The following PRAMEF14 variants were observed in gnomAD, a reference collection of about 807,000 sequenced individuals.
PRAMEF14 encodes PRAME family member 14.
Under a neutral mutation model 38.3 loss-of-function variants are expected in PRAMEF14, and 24 were observed. That is an observed-to-expected ratio of 0.63 (90% CI 0.45 to 0.88). The LOEUF is 0.88. Ranked by LOEUF, PRAMEF14 falls within the 40% of genes least tolerant of loss-of-function variation. PRAMEF14 has a pLI of 0.00. For missense variants in PRAMEF14, 477 were observed against 570.8 expected (o/e 0.84, Z 1.67); for synonymous variants, 194 against 226.4 (o/e 0.86, Z 1.29).
At position 13,342,429 on chromosome 1, in the gene PRAMEF14, A is replaced by G; in HGVS notation, c.*99T>C. 1 of 1,489,790 alleles carries G rather than the reference A, an allele frequency of 6.7e-7. No individual in the cohort carries two copies. Among genetic ancestry groups the G allele is most frequent in the Non-Finnish European group, 8.9e-7 (1 of 1,121,152 alleles). 92.3% of individuals were successfully genotyped at this position (1,489,790 alleles called of 1,614,324 possible). A position where few individuals can be genotyped will look rare whatever the true frequency, so the allele number is the denominator to read the frequency against. On this transcript the variant is annotated 3_prime_UTR_variant, in exon 4 of 4. Coordinates refer to ENST00000334600, the MANE Select transcript of PRAMEF14 (RefSeq NM_001024661.2). ...GAATTATTAAAAAATGAAATAAATA[A>G]GAAAAGAGAAAAATAGTTTGCACCT...
chr1:13,342,932 C>T lies in PRAMEF14; in HGVS notation c.1021G>A (p.Gly341Arg), dbSNP rs555251277. Residue 341 changes from glycine (G) to arginine (R), a missense_variant, in exon 4 of 4, where the codon GGA becomes AGA. Gly to Arg is a moderately radical substitution (Grantham distance 125). Around this residue, in one of 4 missense-constraint regions of PRAMEF14, gnomAD observed 34 missense variants for 66.1 expected, o/e 0.51. Coordinates refer to ENST00000334600, the MANE Select transcript of PRAMEF14 (RefSeq NM_001024661.2). ...LLFRISLEPL[G>R]ALLEKIAASL... is the part of the protein sequence containing the mutation. ...GCAGCAATTTTCTCTAGCAGAGCTC[C>T]GAGGGGTTCAAGACTGATGCGGAAC... 2.5e-5 allele frequency: 40 copies of T among 1,607,850 alleles called. No individual in the cohort carries two copies. Among genetic ancestry groups the T allele is most frequent in the African/African-American group, 2.0e-4 (15 of 74,782 alleles).
At position 13,345,364 on chromosome 1, in the gene PRAMEF14, G is replaced by A; in HGVS notation, c.-25-25C>T. The A allele has an allele frequency of 2.5e-6, 4 of 1,596,108 alleles. 2 individuals carry two copies. Among genetic ancestry groups the A allele is most frequent in the East Asian group, 4.8e-5 (2 of 41,576 alleles). On this transcript the variant is annotated intron_variant, in intron 1 of 3. Transcript: ENST00000334600. ...TCTAGAAGACAAATCCAGGGAAAAT[G>A]TATCACTCTCATGGCAAACACAATC...
chr1:13,345,998 G>GGTGGTGTA (rs1640398614), intron 1 of PRAMEF14, among the ~76,000 whole-genome samples: 1 of 150,862 alleles, frequency 6.6e-6, no homozygotes, highest in Non-Finnish European at 1.5e-5. Context: ...AGCCAGGTGT[G>GGTGGTGTA]GTCATGCATG....
intron 3 of PRAMEF14, 58 bp downstream of exon 3, chr1:13,343,980 C>G (rs1351961282): frequency 6.2e-7 from 1 of 1,602,176 alleles, no homozygotes; most frequent in East Asian, 2.4e-5. Flanking sequence ...CTAATGTTTG[C>G]TGTAACAGAA....
In PRAMEF14 at chr1:13,344,334, C is replaced by T. The variant is rs1247449770; in HGVS notation, c.570G>A (p.Thr190=). 2.1e-4 allele frequency: 333 copies of T among 1,607,778 alleles called. 8 individuals carry two copies. In the African/African-American group the frequency reaches 2.6e-3, roughly 12 times the overall value. Residue 190 remains threonine (T), a synonymous_variant, in exon 3 of 4, where the codon ACG becomes ACA. Transcript: ENST00000334600. ...LCCSKLVNYL[T]PIKHLRKSLK... ...ATGACTTTCTGAGATGTTTAATCGG[C>T]GTTAGATAATTGACCAGCTTACTAC...
chr1:13,346,261 A>C (rs1469627073), intron 1 of PRAMEF14, among the ~76,000 whole-genome samples: 1 of 151,522 alleles, frequency 6.6e-6, no homozygotes, highest in Non-Finnish European at 1.5e-5. Context: ...TAATCCCAGC[A>C]CTTTGGGAGT....
At chr1:13,343,590 C>T in intron 3 of PRAMEF14, 1 of 1,313,670 alleles carries the variant, frequency 7.6e-7, no homozygotes, top group South Asian at 1.2e-5. Flanking sequence ...CAACCTTTTA[C>T]AAACAGGGAA....
At position 13,344,341 on chromosome 1, in the gene PRAMEF14, T is replaced by A; in HGVS notation, c.563A>T (p.Tyr188Phe). ...TCTGAGATGTTTAATCGGCGTTAGA[T>A]AATTGACCAGCTTACTACAGCACAG... Reference protein sequence around the residue: ...VHLCCSKLVNYLTPIKHLRKS... With the variant: ...VHLCCSKLVNFLTPIKHLRKS... Residue 188 changes from tyrosine to phenylalanine, a missense_variant, in exon 3 of 4, where the codon TAT (tyrosine) becomes TTT (phenylalanine). Physicochemically the swap from Tyr to Phe is conservative, Grantham distance 22. Coordinates refer to ENST00000334600, the MANE Select transcript of PRAMEF14 (RefSeq NM_001024661.2). The A allele has an allele frequency of 6.2e-7, 1 of 1,607,786 alleles. No homozygotes were observed. The highest frequency in any genetic ancestry group is 1.7e-5 in the Admixed American group (1 of 59,850).
chr1:13,342,162 T>C lies in PRAMEF14; in HGVS notation c.*366A>G, dbSNP rs1162950059. On this transcript the variant is annotated 3_prime_UTR_variant, in exon 4 of 4. Coordinates refer to ENST00000334600, the MANE Select transcript of PRAMEF14 (RefSeq NM_001024661.2). The stretch of plus-strand genomic sequence containing the variant: ...AGGACACGGGTCCCTGAAGTTCTCA[T>C]TGATGTCACCTCAACATTTTCCTCC... 9 of 285,306 alleles carry C rather than the reference T, an allele frequency of 3.2e-5. No homozygotes were observed. Among genetic ancestry groups the C allele is most frequent in the African/African-American group, 8.8e-5 (4 of 45,616 alleles). The allele number at this position is 285,306 out of a possible 1,614,324, so 17.7% of individuals were successfully genotyped here.
Position 13,342,751 on chromosome 1 carries a change from G to A in PRAMEF14, c.1202C>T (p.Thr401Ile). The A allele has an allele frequency of 6.2e-7, 1 of 1,603,906 alleles. No individual in the cohort carries two copies. Among genetic ancestry groups the A allele is most frequent in the South Asian group, 1.1e-5 (1 of 90,446 alleles). Residue 401 changes from threonine to isoleucine, a missense_variant, in exon 4 of 4, where the codon ACC becomes ATC. Transcript: ENST00000334600. ...MGALKDLLCH[T>I]SGLSKLSLET... Reference sequence around the variant, plus strand: ...CAGGCTTAACTTGCTCAGCCCACTGGTGTGGCACAACAGGTCCTTCAGGGC... The same window carrying A: ...CAGGCTTAACTTGCTCAGCCCACTGATGTGGCACAACAGGTCCTTCAGGGC...
Position 13,342,779 on chromosome 1 carries a change from C to A in PRAMEF14, c.1174G>T (p.Gly392Cys). Residue 392 changes from glycine to cysteine, a missense_variant, in exon 4 of 4, where the codon GGT becomes TGT. Transcript: ENST00000334600. ...FYFGRNCMSMGALKDLLCHTS... is the reference protein window; with the variant it reads ...FYFGRNCMSMCALKDLLCHTS... ...TGGCACAACAGGTCCTTCAGGGCAC[C>A]CATAGACATACAATTTCTGCCAAAG... 1 of 1,604,144 alleles carries A rather than the reference C, an allele frequency of 6.2e-7. No individual in the cohort carries two copies. Among genetic ancestry groups the A allele is most frequent in the Non-Finnish European group, 8.5e-7 (1 of 1,177,010 alleles).
chr1:13,342,409 A>T lies in PRAMEF14; in HGVS notation c.*119T>A, dbSNP rs1640339797. On this transcript the variant is annotated 3_prime_UTR_variant, in exon 4 of 4. Transcript: ENST00000334600. ...TGTCTTTAATAAAAATTTTGGAATT[A>T]TTAAAAAATGAAATAAATAAGAAAA... 4.9e-6 allele frequency: 7 copies of T among 1,424,226 alleles called. No individual in the cohort carries two copies. In the African/African-American group the frequency reaches 1.0e-4, roughly 21 times the overall value. The allele number at this position is 1,424,226 out of a possible 1,614,324, so 88.2% of individuals were successfully genotyped here. A position where few individuals can be genotyped will look rare whatever the true frequency, so the allele number is the denominator to read the frequency against.
At position 13,344,116 on chromosome 1, in the gene PRAMEF14, A is replaced by C. The variant is rs1211870204; in HGVS notation, c.788T>G (p.Phe263Cys). The C allele has an allele frequency of 2.1e-5, 34 of 1,606,872 alleles. 1 individual carries two copies. In the African/African-American group the frequency reaches 4.5e-4, roughly 21 times the overall value. The change falls in exon 3 of 4, where the codon TTC becomes TGC. Residue 263 changes from phenylalanine to cysteine, a missense_variant. Around this residue, in one of 4 missense-constraint regions of PRAMEF14, gnomAD observed 234 missense variants for 247.4 expected, o/e 0.95. Transcript: ENST00000334600. Reference protein sequence around the residue: ...GRLVTKFSSVFLRLEHLQLLK... With the variant: ...GRLVTKFSSVCLRLEHLQLLK... ...CAACTGGAGGTGTTCCAGCCTGAGG[A>C]ACACAGAGCTGAATTTGGTGACTAA...
In PRAMEF14 at chr1:13,342,191, C is replaced by G. The variant is rs1553125268; in HGVS notation, c.*337G>C. ...TGTCACCTCAACATTTTCCTCCAGCCTTGCCCCCTGCTGTTATGTTTTTTT... is the reference window on the plus strand; with the variant it reads ...TGTCACCTCAACATTTTCCTCCAGCGTTGCCCCCTGCTGTTATGTTTTTTT... On this transcript the variant is annotated 3_prime_UTR_variant, in exon 4 of 4. Transcript: ENST00000334600. 1 of 347,254 alleles carries G rather than the reference C, an allele frequency of 2.9e-6. No individual in the cohort carries two copies. Among genetic ancestry groups the G allele is most frequent in the African/African-American group, 2.1e-5 (1 of 47,562 alleles). 21.5% of individuals were successfully genotyped at this position (347,254 alleles called of 1,614,324 possible).
intron 1 of PRAMEF14, among the ~76,000 whole-genome samples, chr1:13,345,644 C>T (rs1387090610): frequency 6.9e-6 from 1 of 145,488 alleles, no homozygotes; most frequent in African/African-American, 2.4e-5. Flanking sequence ...ACACCATAAA[C>T]GTGCTGGGGG....
Position 13,343,678 on chromosome 1 carries a change from T to G in PRAMEF14, c.866+360A>C. The stretch of plus-strand genomic sequence containing the variant: ...TGTGAAATGGACAGGTTTGATGCGC[T>G]TTCCCTCCTTTCATACCCTCCTCTA... On this transcript the variant is annotated intron_variant, in intron 3 of 3. Transcript: ENST00000334600. 2.2e-6 allele frequency: 3 copies of G among 1,348,824 alleles called. No homozygotes were observed. The South Asian group carries it at 3.8e-5, about 17-fold the overall frequency. The allele number at this position is 1,348,824 out of a possible 1,614,324, so 83.6% of individuals were successfully genotyped here. A position where few individuals can be genotyped will look rare whatever the true frequency, so the allele number is the denominator to read the frequency against.
chr1:13,343,401 A>G (rs1382213151), intron 3 of PRAMEF14, among the ~76,000 whole-genome samples: 1 of 149,614 alleles, frequency 6.7e-6, no homozygotes, highest in Non-Finnish European at 1.5e-5. Flanking sequence ...GATGTGAACA[A>G]AGAACTCAAC....
chr1:13,346,464 A>G (rs1433176164), intron 1 of PRAMEF14, among the ~76,000 whole-genome samples: 2 of 150,538 alleles, frequency 1.3e-5, no homozygotes, highest in African/African-American at 4.8e-5. Context: ...GCCAAATCAC[A>G]CCATGGCACT....
chr1:13,346,391 C>T (rs2100355275), intron 1 of PRAMEF14, among the ~76,000 whole-genome samples: 1 of 150,614 alleles, frequency 6.6e-6, no homozygotes, highest in East Asian at 2.1e-4. Flanking sequence ...GCCTGTAATC[C>T]AAGCTACTCA....
Sources: allele counts gnomAD v4.1 joint callset (sites outside exome capture counted in the v4.1 genomes callset), GRCh38; gene constraint gnomAD v4.1.1; regional missense constraint gnomAD v4.1.1; transcripts MANE v1.5; gene names NCBI Gene and HGNC (gene_info 2026-07-23, HGNC 2026-07-21).